Variants in ZNF804A observed in about 807,000 individuals in gnomAD.
ZNF804A encodes zinc finger protein 804A.
A neutral mutation model predicts 16.5 loss-of-function variants in ZNF804A; 2 were observed. That is an observed-to-expected ratio of 0.12 (90% CI 0.05 to 0.38). ZNF804A has a LOEUF of 0.38. Ranked by LOEUF, ZNF804A falls within the 10% of genes least tolerant of loss-of-function variation. ZNF804A has a pLI of 0.99. For synonymous variants in ZNF804A, 534 were observed against 489.6 expected (o/e 1.09, Z -1.20); for missense variants, 1,473 against 1,390.7 (o/e 1.06, Z -0.94).
intron 1 of ZNF804A, among the ~76,000 whole-genome samples, chr2:184,840,613 G>A (rs1394931098): frequency 6.6e-6 from 1 of 151,874 alleles, no homozygotes; most frequent in African/African-American, 2.4e-5. Context: ...CTTTCTTTTA[G>A]TAAAAGCAAA....
intron 1 of ZNF804A, among the ~76,000 whole-genome samples, chr2:184,641,118 C>A (rs1456282082): frequency 1.3e-5 from 2 of 152,050 alleles, no homozygotes; most frequent in African/African-American, 4.8e-5. Flanking sequence ...CTATGACTGG[C>A]TAATATTTGT....
chr2:184,932,880 C>A (rs1685724961), intron 2 of ZNF804A, among the ~76,000 whole-genome samples: 1 of 152,070 alleles, frequency 6.6e-6, no homozygotes, highest in Non-Finnish European at 1.5e-5. Context: ...TTCTTTAACA[C>A]AGATGAAAGA....
intron 1 of ZNF804A, among the ~76,000 whole-genome samples, chr2:184,634,119 A>G (rs947337585): frequency 5.3e-5 from 8 of 152,202 alleles, no homozygotes; most frequent in Non-Finnish European, 1.2e-4. Flanking sequence ...TCAATATATC[A>G]GTTGCTAGAT....
intron 1 of ZNF804A, among the ~76,000 whole-genome samples, chr2:184,616,076 G>T (rs1691314063): frequency 6.6e-6 from 1 of 152,114 alleles, no homozygotes; most frequent in Admixed American, 6.5e-5. Context: ...CATTCAGTGA[G>T]TTATTTATTT....
At chr2:184,693,740 T>C (rs769207832) in intron 1 of ZNF804A, among the ~76,000 whole-genome samples, 32 of 152,212 alleles carry the variant, frequency 2.1e-4, no homozygotes, top group Non-Finnish European at 3.8e-4. Context: ...GGTGTTACCC[T>C]CTTGATAAAT....
intron 1 of ZNF804A, among the ~76,000 whole-genome samples, chr2:184,856,928 C>G (rs2105806817): frequency 6.6e-6 from 1 of 152,168 alleles, no homozygotes; most frequent in South Asian, 2.1e-4. Context: ...ATGATTCAGT[C>G]TTGGTAGATT....
At chr2:184,898,361 T>C (rs1038777225) in intron 2 of ZNF804A, among the ~76,000 whole-genome samples, 3 of 151,920 alleles carry the variant, frequency 2.0e-5, no homozygotes, top group Non-Finnish European at 4.4e-5. Flanking sequence ...TACTCTCCTT[T>C]CCAGTTCAAT....
At chr2:184,733,050 T>G (rs1693545210) in intron 1 of ZNF804A, among the ~76,000 whole-genome samples, 1 of 152,166 alleles carries the variant, frequency 6.6e-6, no homozygotes, top group African/African-American at 2.4e-5. Flanking sequence ...TAATTAGAAC[T>G]TCCAATATGA....
At position 184,812,692 on chromosome 2, in the gene ZNF804A, C is replaced by T. The variant is rs192869295; in HGVS notation, c.112-53677C>T. ...GTGGGTAGCTGTTGGCACTGGAAAG[C>T]ACTTTTCTTTCTAGGAAAAAGAGCT... is the stretch of plus-strand genomic sequence containing the variant. On this transcript the variant is annotated intron_variant, in intron 1 of 3. Coordinates refer to ENST00000302277, the MANE Select transcript of ZNF804A (RefSeq NM_194250.2). Among the ~76,000 whole-genome samples, 632 of 152,168 alleles carry T rather than the reference C, an allele frequency of 4.2e-3. 5 individuals carry two copies. Among genetic ancestry groups the T allele is most frequent in the African/African-American group, 0.014 (600 of 41,526 alleles).
chr2:184,822,479 C>A (rs1257459151), intron 1 of ZNF804A, among the ~76,000 whole-genome samples: 1 of 151,930 alleles, frequency 6.6e-6, no homozygotes, highest in African/African-American at 2.4e-5. Flanking sequence ...GTGCAGCAAA[C>A]CACCATGGCA....
At chr2:184,751,123 G>GCTA (rs2105758330) in intron 1 of ZNF804A, among the ~76,000 whole-genome samples, 1 of 151,574 alleles carries the variant, frequency 6.6e-6, no homozygotes, top group South Asian at 2.1e-4. Flanking sequence ...TGTGAATAAT[G>GCTA]CTACAATCAA....
At chr2:184,789,561 C>T (rs780056258) in intron 1 of ZNF804A, among the ~76,000 whole-genome samples, 11 of 151,762 alleles carry the variant, frequency 7.2e-5, no homozygotes, top group African/African-American at 2.2e-4. Flanking sequence ...GATTCAATCT[C>T]GGGAGGTTGT....
chr2:184,741,967 T>C (rs72901852), intron 1 of ZNF804A, among the ~76,000 whole-genome samples: 1 of 152,194 alleles, frequency 6.6e-6, no homozygotes, highest in South Asian at 2.1e-4. Flanking sequence ...TTTGCACTTG[T>C]TTATAATAAA....
At chr2:184,688,920 G>T (rs1046848449) in intron 1 of ZNF804A, among the ~76,000 whole-genome samples, 1 of 152,130 alleles carries the variant, frequency 6.6e-6, no homozygotes, top group Non-Finnish European at 1.5e-5. Context: ...TTTCTGATTT[G>T]TTTGGAGAGA....
chr2:184,705,538 T>G (rs1270491077), intron 1 of ZNF804A, among the ~76,000 whole-genome samples: 1 of 152,220 alleles, frequency 6.6e-6, no homozygotes, highest in Non-Finnish European at 1.5e-5. Flanking sequence ...ACAACTACAA[T>G]TATAACCTCA....
chr2:184,629,301 G>C (rs1324092207), intron 1 of ZNF804A, among the ~76,000 whole-genome samples: 3 of 151,956 alleles, frequency 2.0e-5, no homozygotes, highest in African/African-American at 7.2e-5. Context: ...GCATTCCTTA[G>C]GGGGTGCAGC....
At chr2:184,709,102 C>T (rs1203010210) in intron 1 of ZNF804A, among the ~76,000 whole-genome samples, 2 of 152,080 alleles carry the variant, frequency 1.3e-5, no homozygotes, top group Non-Finnish European at 2.9e-5. Context: ...GAATACATCA[C>T]CATGTGAAAT....
At position 184,665,065 on chromosome 2, in the gene ZNF804A, T is replaced by G. The variant is rs896845247; in HGVS notation, c.111+65995T>G. ...CAAATATAGAGAATTTGAAGCTGTA[T>G]CATATATATTTCAGAGATCTACATT... is the stretch of plus-strand genomic sequence containing the variant. On this transcript the variant is annotated intron_variant, in intron 1 of 3. Transcript: ENST00000302277. Among the ~76,000 whole-genome samples, 80 of 148,224 alleles carry G rather than the reference T, an allele frequency of 5.4e-4. 1 individual carries two copies. Among genetic ancestry groups the G allele is most frequent in the African/African-American group, 2.0e-3 (79 of 40,174 alleles).
intron 1 of ZNF804A, among the ~76,000 whole-genome samples, chr2:184,819,779 A>G (rs1483446939): frequency 6.6e-6 from 1 of 152,118 alleles, no homozygotes; most frequent in Non-Finnish European, 1.5e-5. Context: ...ATCACAGAAT[A>G]CTATAAACAC....
Sources: allele counts gnomAD v4.1 joint callset (sites outside exome capture counted in the v4.1 genomes callset), GRCh38; gene constraint gnomAD v4.1.1; transcripts MANE v1.5; gene names NCBI Gene and HGNC (gene_info 2026-07-23, HGNC 2026-07-21).